ATP9B: variants seen among roughly 807,000 people sequenced by gnomAD.
ATP9B encodes probable phospholipid-transporting ATPase IIB.
A neutral mutation model predicts 146.1 loss-of-function variants in ATP9B; 110 were observed. The observed-to-expected ratio is 0.75, with a 90% CI of 0.65 to 0.88. The LOEUF is 0.88. Ranked by LOEUF, ATP9B falls within the 40% of genes least tolerant of loss-of-function variation. The pLI, the probability that ATP9B is intolerant of heterozygous loss-of-function variation, is 0.00. For missense variants in ATP9B, 1,499 were observed against 1,496.4 expected, an observed-to-expected ratio of 1.00 and a Z score of -0.03; for synonymous variants, 604 against 569.7, an observed-to-expected ratio of 1.06 and a Z score of -0.86.
At chr18:79,141,132 T>C (rs1009143698) in intron 5 of ATP9B, among the ~76,000 whole-genome samples, 5 of 152,186 alleles carry the variant, frequency 3.3e-5, no homozygotes, top group Admixed American at 6.5e-5. Flanking sequence ...AATTGAATCA[T>C]GGGAGTGGTT....
intron 12 of ATP9B, among the ~76,000 whole-genome samples, chr18:79,275,092 G>A (rs866652315): frequency 1.6e-4 from 24 of 152,280 alleles, no homozygotes; most frequent in African/African-American, 5.5e-4. Flanking sequence ...CTTCAAAACA[G>A]TATGACACAA....
chr18:79,358,981 G>A (rs1265214728), intron 25 of ATP9B, among the ~76,000 whole-genome samples: 1 of 151,934 alleles, frequency 6.6e-6, no homozygotes, highest in Non-Finnish European at 1.5e-5. Context: ...CCGTGTGGAT[G>A]CTGGTGGTGA....
chr18:79,304,529 T>C (rs916273862), intron 14 of ATP9B, among the ~76,000 whole-genome samples: 1 of 152,230 alleles, frequency 6.6e-6, no homozygotes, highest in Non-Finnish European at 1.5e-5. Context: ...TTTCCAATTT[T>C]AGATTTTTGG....
intron 19 of ATP9B, among the ~76,000 whole-genome samples, chr18:79,339,743 G>A (rs117493200): frequency 0.033 from 5,048 of 151,902 alleles, 133 homozygotes; most frequent in Non-Finnish European, 0.043. Context: ...AGTAGGAAGT[G>A]TGTCATGAGG....
At chr18:79,272,066 A>G (rs1441029299) in intron 12 of ATP9B, among the ~76,000 whole-genome samples, 3 of 152,172 alleles carry the variant, frequency 2.0e-5, no homozygotes, top group East Asian at 3.9e-4. Context: ...CATATCCTTC[A>G]CCCACTTGTT....
intron 11 of ATP9B, among the ~76,000 whole-genome samples, chr18:79,243,975 A>C (rs1335171562): frequency 6.6e-6 from 1 of 152,234 alleles, no homozygotes; most frequent in African/African-American, 2.4e-5. Context: ...TGTAGAAACT[A>C]ATCTGTATCA....
intron 15 of ATP9B, among the ~76,000 whole-genome samples, chr18:79,312,694 A>G (rs2096659466): frequency 6.6e-6 from 1 of 152,182 alleles, no homozygotes; most frequent in Non-Finnish European, 1.5e-5. Flanking sequence ...AGTAAAACAC[A>G]TCTGTAGGAA....
intron 1 of ATP9B, among the ~76,000 whole-genome samples, chr18:79,084,763 A>G (rs1373721259): frequency 6.6e-6 from 1 of 152,176 alleles, no homozygotes; most frequent in Non-Finnish European, 1.5e-5. Context: ...TTGTATTTTA[A>G]AAGTTCTCAG....
At chr18:79,206,217 G>A (rs948121377) in intron 9 of ATP9B, among the ~76,000 whole-genome samples, 4 of 152,280 alleles carry the variant, frequency 2.6e-5, no homozygotes, top group South Asian at 2.1e-4. Flanking sequence ...TGGGATTACA[G>A]GCGTGAGCCA....
At chr18:79,253,047 C>T (rs1185461409) in intron 11 of ATP9B, among the ~76,000 whole-genome samples, 1 of 152,180 alleles carries the variant, frequency 6.6e-6, no homozygotes, top group Non-Finnish European at 1.5e-5. Flanking sequence ...TCCCCTGCTG[C>T]GCGCCGAGCA....
At chr18:79,273,784 A>G (rs917913298) in intron 12 of ATP9B, among the ~76,000 whole-genome samples, 4 of 152,236 alleles carry the variant, frequency 2.6e-5, no homozygotes, top group African/African-American at 9.6e-5. Flanking sequence ...CTCCTCAGAC[A>G]CTTTTGTAGC....
At chr18:79,275,262 C>T (rs2096295385) in intron 12 of ATP9B, among the ~76,000 whole-genome samples, 1 of 51,636 alleles carries the variant, frequency 1.9e-5, no homozygotes. Context: ...TTCTTGGCCA[C>T]CTTGCCCCTT....
At chr18:79,298,995 C>A (rs1263466943) in intron 13 of ATP9B, among the ~76,000 whole-genome samples, 1 of 152,148 alleles carries the variant, frequency 6.6e-6, no homozygotes, top group Non-Finnish European at 1.5e-5. Flanking sequence ...ACATTCAGTT[C>A]CCAAGTCCAG....
At chr18:79,286,127 T>C (rs2096438098) in intron 13 of ATP9B, among the ~76,000 whole-genome samples, 1 of 150,156 alleles carries the variant, frequency 6.7e-6, no homozygotes, top group East Asian at 2.0e-4. Context: ...ATATGAACTT[T>C]AAAGTAGTTT....
At chr18:79,377,207 T>G (rs376710401) in intron 29 of ATP9B, 40 bp from the exon 30 acceptor site, 16 of 1,606,604 alleles carry the variant, frequency 1.0e-5, no homozygotes, top group Non-Finnish European at 1.4e-5. Flanking sequence ...CCAGGACTTC[T>G]TGGTCAGCTC....
chr18:79,279,942 C>T (rs556250453), intron 13 of ATP9B, among the ~76,000 whole-genome samples: 7 of 152,306 alleles, frequency 4.6e-5, no homozygotes, highest in African/African-American at 1.7e-4. Flanking sequence ...TGAATATGCA[C>T]GTGTTCTACT....
chr18:79,321,258 C>A (rs1391006832), intron 15 of ATP9B, among the ~76,000 whole-genome samples: 1 of 152,190 alleles, frequency 6.6e-6, no homozygotes, highest in Non-Finnish European at 1.5e-5. Flanking sequence ...TTTGATGTAT[C>A]TTCAATAAGG....
intron 7 of ATP9B, among the ~76,000 whole-genome samples, chr18:79,176,436 C>CTA (rs1243100488): frequency 6.6e-6 from 1 of 152,100 alleles, no homozygotes; most frequent in African/African-American, 2.4e-5. Flanking sequence ...CAAAATAATA[C>CTA]TATACACTGT....
At chr18:79,086,435 C>CAAAAAAAAAAAAA (rs56268434) in intron 1 of ATP9B, 2 of 63,454 alleles carry the variant, frequency 3.2e-5, no homozygotes, top group Non-Finnish European at 5.2e-5. Flanking sequence ...GGCTCTATCT[C>CAAAAAAAAAAAAA]AAAAAAAAAA....
Sources: allele counts gnomAD v4.1 joint callset (sites outside exome capture counted in the v4.1 genomes callset), GRCh38; gene constraint gnomAD v4.1.1; transcripts MANE v1.5; gene names NCBI Gene and HGNC (gene_info 2026-07-23, HGNC 2026-07-21).